Variants in ATF7IP observed in about 807,000 individuals in gnomAD.
The protein encoded by ATF7IP is activating transcription factor 7-interacting protein 1.
Under a neutral mutation model 106.4 loss-of-function variants are expected in ATF7IP, and 23 were observed. That is an observed-to-expected ratio of 0.22 (90% confidence interval 0.16 to 0.31). The LOEUF (loss-of-function observed/expected upper bound fraction) is 0.31, where lower values mean the gene tolerates loss of function less well. Ranked by LOEUF, ATF7IP falls within the 10% of genes least tolerant of loss-of-function variation. The pLI is 1.00. For missense variants in ATF7IP, 1,334 were observed against 1,524.3 expected (o/e 0.88, Z 2.08); for synonymous variants, 542 against 539.0 (o/e 1.01, Z -0.08).
At chr12:14,494,287 AT>A (rs1944925519) in intron 13 of ATF7IP, among the ~76,000 whole-genome samples, 1 of 13,218 alleles carries the variant, frequency 7.6e-5, no homozygotes. Flanking sequence ...CTAATAGAAT[AT>A]ATATATATAT....
intron 1 of ATF7IP, among the ~76,000 whole-genome samples, chr12:14,418,979 A>G (rs1013933653): frequency 1.3e-5 from 2 of 152,176 alleles, no homozygotes; most frequent in Non-Finnish European, 1.5e-5. Context: ...AAAATACCAA[A>G]GAGGAATTTG....
intron 9 of ATF7IP, among the ~76,000 whole-genome samples, chr12:14,465,402 A>G (rs1197544237): frequency 6.6e-6 from 1 of 151,932 alleles, no homozygotes; most frequent in Admixed American, 6.6e-5. Flanking sequence ...TATTTTGGTA[A>G]TATCACCTAG....
chr12:14,434,486 A>G, intron 3 of ATF7IP, 63 bp downstream of exon 3: 3 of 1,049,408 alleles, frequency 2.9e-6, no homozygotes, highest in Non-Finnish European at 4.3e-6. Context: ...TTCTATATTT[A>G]CAACCGTGTA....
Position 14,369,345 on chromosome 12 carries a change from G to A in ATF7IP, c.-8+3518G>A, listed in dbSNP as rs571256138. The stretch of plus-strand genomic sequence containing the variant: ...GTAAGGTGAATTGTATGTTTATATT[G>A]TATTTTATTTTATTATTATTGTTTT... On this transcript the variant is annotated intron_variant, in intron 1 of 14. Coordinates refer to ENST00000261168, the MANE Select transcript of ATF7IP (RefSeq NM_018179.5). 6.6e-5 allele frequency: 10 copies of A among 152,078 alleles called. No individual in the cohort carries two copies. The South Asian group carries it at 1.0e-3, about 16-fold the overall frequency. The allele number at this position is 152,078 out of a possible 1,614,324, so 9.4% of individuals were successfully genotyped here. A position where few individuals can be genotyped will look rare whatever the true frequency, so the allele number is the denominator to read the frequency against.
chr12:14,380,744 C>T (rs1002158436), intron 1 of ATF7IP, among the ~76,000 whole-genome samples: 4 of 152,188 alleles, frequency 2.6e-5, no homozygotes, highest in African/African-American at 7.2e-5. Context: ...CTCAGCCTCC[C>T]GAGTACCTGG....
intron 11 of ATF7IP, among the ~76,000 whole-genome samples, chr12:14,476,799 T>C (rs983363337): frequency 6.6e-6 from 1 of 152,208 alleles, no homozygotes; most frequent in East Asian, 1.9e-4. Flanking sequence ...AAGTAATTTC[T>C]AAAAACGTTC....
intron 1 of ATF7IP, among the ~76,000 whole-genome samples, chr12:14,411,466 C>T (rs1043358127): frequency 6.6e-6 from 1 of 151,890 alleles, no homozygotes; most frequent in Non-Finnish European, 1.5e-5. Flanking sequence ...CAGCAAACCA[C>T]CATGGCACTT....
rs1941794676 is a variant in ATF7IP, at chr12:14,425,470, C to A, written c.1555C>A (p.Pro519Thr). 1.3e-6 allele frequency: 2 copies of A among 1,537,742 alleles called. No homozygotes were observed. Among genetic ancestry groups the A allele is most frequent in the South Asian group, 2.5e-5 (2 of 78,894 alleles). ...EVISQNETCS[P>T]AEVESNEKDN... is the part of the protein sequence containing the mutation. ...TATATCGCAAAATGAAACGTGCTCTCCAGGTTAGCATATAACTTAAATGTT... is the reference window on the plus strand; with the variant it reads ...TATATCGCAAAATGAAACGTGCTCTACAGGTTAGCATATAACTTAAATGTT... The change falls in exon 2 of 15, where the codon CCA (proline) becomes ACA (threonine). Residue 519 changes from proline (P) to threonine (T), a missense_variant. Physicochemically the swap from Pro to Thr is conservative, Grantham distance 38. This residue lies in a region of ATF7IP where 119 missense variants were observed against 117.8 expected (regional missense o/e 1.01). Coordinates refer to ENST00000261168, the MANE Select transcript of ATF7IP (RefSeq NM_018179.5).
chr12:14,459,526 A>G (rs879310097), intron 8 of ATF7IP, among the ~76,000 whole-genome samples: 1 of 152,236 alleles, frequency 6.6e-6, no homozygotes, highest in Non-Finnish European at 1.5e-5. Context: ...TTTGTACTAA[A>G]GCATCAGAAG....
chr12:14,442,136 A>G (rs75047800), intron 5 of ATF7IP, among the ~76,000 whole-genome samples: 1,714 of 152,100 alleles, frequency 0.011, 27 homozygotes, highest in East Asian at 0.065. Flanking sequence ...TTTTCCTGGT[A>G]TATCATTTTG....
intron 6 of ATF7IP, among the ~76,000 whole-genome samples, chr12:14,453,447 G>A (rs544739561): frequency 1.3e-5 from 2 of 151,922 alleles, no homozygotes; most frequent in Admixed American, 1.3e-4. Flanking sequence ...TTTTCGGTTT[G>A]ATCCGGTCTG....
At position 14,424,113 on chromosome 12, in the gene ATF7IP, A is replaced by C; in HGVS notation, c.198A>C (p.Lys66Asn). ...TSPLENMDYIKDKEEVNGIEE... is the reference protein window; with the variant it reads ...TSPLENMDYINDKEEVNGIEE... ...CTTTGGAAAACATGGATTACATTAA[A>C]GACAAGGAAGAGGTGAATGGCATTG... Residue 66 changes from lysine (K) to asparagine (N), a missense_variant, in exon 2 of 15, where the codon AAA (lysine) becomes AAC (asparagine). Lys to Asn is a moderately conservative substitution (Grantham distance 94, BLOSUM62 0). Around this residue, in one of 10 missense-constraint regions of ATF7IP, gnomAD observed 74 missense variants for 101.9 expected, o/e 0.73. Transcript: ENST00000261168. 1 of 1,614,220 alleles carries C rather than the reference A, an allele frequency of 6.2e-7. No individual in the cohort carries two copies. The highest frequency in any genetic ancestry group is 8.5e-7 in the Non-Finnish European group (1 of 1,180,022).
At chr12:14,447,090 C>A in intron 6 of ATF7IP, 37 bp downstream of exon 6, 1 of 1,464,364 alleles carries the variant, frequency 6.8e-7, no homozygotes, top group Non-Finnish European at 9.3e-7. Flanking sequence ...TAATATTTAG[C>A]ACTAAGTGGT....
At chr12:14,457,826 C>T (rs1034104461) in intron 8 of ATF7IP, among the ~76,000 whole-genome samples, 11 of 152,016 alleles carry the variant, frequency 7.2e-5, no homozygotes, top group African/African-American at 1.4e-4. Context: ...TGGGCTTGGT[C>T]GCTCATGCCT....
intron 13 of ATF7IP, 137 bp downstream of exon 13, chr12:14,481,322 G>C (rs1591954821): frequency 4.1e-6 from 3 of 739,534 alleles, no homozygotes; most frequent in Non-Finnish European, 6.6e-6. Context: ...ATAAGTTCAA[G>C]AGATCTGTAC....
chr12:14,460,536 A>G lies in ATF7IP; in HGVS notation c.2200A>G (p.Ser734Gly), dbSNP rs1195450328. The change falls in exon 9 of 15, where the codon AGT (serine) becomes GGT (glycine). Residue 734 changes from serine (S) to glycine (G), a missense_variant. Physicochemically the swap from Ser to Gly is moderately conservative, Grantham distance 56. Around this residue, in one of 10 missense-constraint regions of ATF7IP, gnomAD observed 171 missense variants for 172.6 expected, o/e 0.99. Transcript: ENST00000261168. ...NLVTPPAVVS[S>G]QPKLQTPVTS... ...TGTCACTCCTCCAGCAGTTGTCAGT[A>G]GTCAACCTAAATTGCAGACTCCAGT... 1.2e-6 allele frequency: 2 copies of G among 1,614,176 alleles called. No individual in the cohort carries two copies. Among genetic ancestry groups the G allele is most frequent in the South Asian group, 1.1e-5 (1 of 91,082 alleles).
intron 1 of ATF7IP, among the ~76,000 whole-genome samples, chr12:14,400,878 T>C (rs909446074): frequency 1.2e-4 from 19 of 152,220 alleles, no homozygotes; most frequent in African/African-American, 4.3e-4. Context: ...TTTGTCTTTT[T>C]TTGATGATTA....
At chr12:14,377,449 A>G (rs1192670338) in intron 1 of ATF7IP, among the ~76,000 whole-genome samples, 3 of 148,320 alleles carry the variant, frequency 2.0e-5, no homozygotes, top group Admixed American at 1.4e-4. Context: ...TCCGCCTCCC[A>G]GGTTCACGCC....
chr12:14,397,868 C>T (rs994345925), intron 1 of ATF7IP, among the ~76,000 whole-genome samples: 2 of 152,046 alleles, frequency 1.3e-5, no homozygotes, highest in Non-Finnish European at 2.9e-5. Context: ...AAAATTTTCC[C>T]CTTCTCCTTG....
Sources: allele counts gnomAD v4.1 joint callset (sites outside exome capture counted in the v4.1 genomes callset), GRCh38; gene constraint gnomAD v4.1.1; regional missense constraint gnomAD v4.1.1; transcripts MANE v1.5; gene names NCBI Gene and HGNC (gene_info 2026-07-23, HGNC 2026-07-21).